PLCL1: variants seen among roughly 807,000 people sequenced by gnomAD.
The protein encoded by PLCL1 is inactive phospholipase C-like protein 1.
Under a neutral mutation model 84.4 loss-of-function variants are expected in PLCL1, and 41 were observed. The ratio of observed to expected loss-of-function variants is 0.49; its 90% CI spans 0.38 to 0.63. The LOEUF (loss-of-function observed/expected upper bound fraction) is 0.63, where lower values mean the gene tolerates loss of function less well. Ranked by LOEUF, PLCL1 falls within the 30% of genes least tolerant of loss-of-function variation. PLCL1 has a pLI of 0.00. For missense variants in PLCL1, 1,206 were observed against 1,367.8 expected (o/e 0.88, Z 1.87); for synonymous variants, 490 against 488.3 (o/e 1.00, Z -0.05).
chr2:198,128,143 A>G (rs2105933804), intron 5 of PLCL1, among the ~76,000 whole-genome samples: 1 of 152,270 alleles, frequency 6.6e-6, no homozygotes, highest in South Asian at 2.1e-4. Context: ...ATTGTAAACC[A>G]AAAATAAAAT....
chr2:198,136,417 A>C (rs989023484), intron 5 of PLCL1, among the ~76,000 whole-genome samples: 7 of 152,164 alleles, frequency 4.6e-5, no homozygotes, highest in Non-Finnish European at 1.0e-4. Context: ...ATTTGAGCCC[A>C]GGTACAGTAA....
At chr2:197,892,306 A>G (rs1688047291) in intron 1 of PLCL1, among the ~76,000 whole-genome samples, 1 of 152,190 alleles carries the variant, frequency 6.6e-6, no homozygotes, top group South Asian at 2.1e-4. Flanking sequence ...GGAAACAGTA[A>G]TGCTGTGCTT....
At chr2:198,038,650 CA>C (rs1166380977) in intron 1 of PLCL1, among the ~76,000 whole-genome samples, 1 of 151,980 alleles carries the variant, frequency 6.6e-6, no homozygotes, top group Non-Finnish European at 1.5e-5. Context: ...GCTGCATAAA[CA>C]AAACAGTTAT....
chr2:197,869,237 G>A (rs1327576539), intron 1 of PLCL1, among the ~76,000 whole-genome samples: 1 of 152,056 alleles, frequency 6.6e-6, no homozygotes, highest in Admixed American at 6.6e-5. Context: ...AGGCCCTATT[G>A]TTTCTATCAT....
chr2:198,011,373 A>C (rs534090864), intron 1 of PLCL1, among the ~76,000 whole-genome samples: 88 of 152,054 alleles, frequency 5.8e-4, no homozygotes, highest in African/African-American at 1.9e-3. Flanking sequence ...TAGACTCATT[A>C]GTTGTTTATG....
chr2:198,072,291 G>A (rs1421181732), intron 1 of PLCL1, among the ~76,000 whole-genome samples: 1 of 151,536 alleles, frequency 6.6e-6, no homozygotes, highest in Non-Finnish European at 1.5e-5. Flanking sequence ...AAACAGGTTG[G>A]CATATAAGGC....
intron 1 of PLCL1, among the ~76,000 whole-genome samples, chr2:197,888,455 G>A (rs1165972819): frequency 1.3e-5 from 2 of 152,176 alleles, no homozygotes; most frequent in African/African-American, 4.8e-5. Flanking sequence ...GAGAGAGCAA[G>A]AAATTGAGAG....
At chr2:198,126,859 C>A (rs1321826557) in intron 5 of PLCL1, among the ~76,000 whole-genome samples, 1 of 152,068 alleles carries the variant, frequency 6.6e-6, no homozygotes. Context: ...GACATGATTG[C>A]ACCTCTGCAC....
At chr2:198,065,060 T>C (rs897417636) in intron 1 of PLCL1, among the ~76,000 whole-genome samples, 1 of 152,152 alleles carries the variant, frequency 6.6e-6, no homozygotes, top group Non-Finnish European at 1.5e-5. Flanking sequence ...TAGACTGCAT[T>C]GTAGGGAATA....
At chr2:197,924,597 G>A (rs1688797700) in intron 1 of PLCL1, among the ~76,000 whole-genome samples, 1 of 151,776 alleles carries the variant, frequency 6.6e-6, no homozygotes, top group Admixed American at 6.6e-5. Context: ...TATAGACCAG[G>A]GAACTGAAGT....
chr2:197,903,437 A>G (rs1688306213), intron 1 of PLCL1, among the ~76,000 whole-genome samples: 1 of 147,502 alleles, frequency 6.8e-6, no homozygotes, highest in African/African-American at 2.5e-5. Flanking sequence ...TGGGACAAAA[A>G]TCTATGTATC....
In PLCL1 at chr2:198,084,102, G is replaced by A; in HGVS notation, c.585G>A (p.Gly195=). 6.2e-7 allele frequency: 1 copy of A among 1,614,108 alleles called. No individual in the cohort carries two copies. Among genetic ancestry groups the A allele is most frequent in the Non-Finnish European group, 8.5e-7 (1 of 1,179,996 alleles). Residue 195 remains glycine (G), a synonymous_variant, in exon 2 of 6, where the codon GGG becomes GGA. Transcript: ENST00000428675. ...ACTGTGCCTTTTCCATACTCCACGG[G>A]GAAAACTATGAGTCTCTGGACCTAG... is the stretch of plus-strand genomic sequence containing the variant. ...CEDCAFSILH[G]ENYESLDLVA...
intron 1 of PLCL1, among the ~76,000 whole-genome samples, chr2:198,028,378 T>TC (rs1229876236): frequency 6.6e-6 from 1 of 152,112 alleles, no homozygotes; most frequent in Non-Finnish European, 1.5e-5. Context: ...CCACTGGCCT[T>TC]CCCCCTTGCT....
chr2:197,939,249 A>T (rs1377177418), intron 1 of PLCL1, among the ~76,000 whole-genome samples: 1 of 152,204 alleles, frequency 6.6e-6, no homozygotes, highest in African/African-American at 2.4e-5. Context: ...AGGTGAAATC[A>T]GATTTTAGGA....
Position 197,810,248 on chromosome 2 carries a change from G to A in PLCL1, c.240+4909G>A. On this transcript the variant is annotated intron_variant, in intron 1 of 5. Transcript: ENST00000428675. ...ATGGTCACATTTCACCTTAGAAGTG[G>A]TTGCTTCTTATTGCAGGGTCTTTCT... 3 of 1,206,374 alleles carry A rather than the reference G, an allele frequency of 2.5e-6. No individual in the cohort carries two copies. The South Asian group carries it at 3.9e-5, about 16-fold the overall frequency. 74.7% of individuals were successfully genotyped at this position (1,206,374 alleles called of 1,614,324 possible).
chr2:197,980,839 G>T (rs1295406854), intron 1 of PLCL1, among the ~76,000 whole-genome samples: 2 of 152,152 alleles, frequency 1.3e-5, no homozygotes, highest in African/African-American at 4.8e-5. Context: ...TATCTTATAA[G>T]GTAGGGAAAT....
At position 197,892,910 on chromosome 2, in the gene PLCL1, G is replaced by A. The variant is rs139562205; in HGVS notation, c.240+87571G>A. On this transcript the variant is annotated intron_variant, in intron 1 of 5. Transcript: ENST00000428675. ...CTCAGGAGGCTGAGGCAGGAGAATC[G>A]CTTGAACCCGGGAGGGGAAGGTTGG... Among the ~76,000 whole-genome samples the A allele has an allele frequency of 6.0e-4, 92 of 152,238 alleles. 4 individuals carry two copies. The South Asian group carries it at 0.014, about 23-fold the overall frequency.
intron 5 of PLCL1, among the ~76,000 whole-genome samples, chr2:198,138,332 A>C (rs1694306313): frequency 6.6e-6 from 1 of 152,074 alleles, no homozygotes; most frequent in Non-Finnish European, 1.5e-5. Flanking sequence ...GAAGTGTTAC[A>C]CACTTTCAAA....
chr2:198,091,635 G>A (rs1559102197), intron 3 of PLCL1, among the ~76,000 whole-genome samples: 1 of 150,650 alleles, frequency 6.6e-6, no homozygotes, highest in Non-Finnish European at 1.5e-5. Flanking sequence ...AGCCGAGACT[G>A]CGCCATCGCA....
Sources: gnomAD v4.1 joint callset for allele counts (sites outside exome capture counted in the v4.1 genomes callset) on GRCh38, gnomAD v4.1.1 for gene constraint, MANE v1.5 for transcripts, NCBI Gene and HGNC (gene_info 2026-07-23, HGNC 2026-07-21) for gene names.